Variants in EIF2S3B observed in about 807,000 individuals in gnomAD.
The protein encoded by EIF2S3B is eukaryotic translation initiation factor 2 subunit 3B.
EIF2S3B carries 16 observed loss-of-function variants against 26.4 expected under a neutral mutation model. The observed-to-expected ratio is 0.61, with a 90% CI of 0.41 to 0.92. EIF2S3B has a LOEUF of 0.92. Among genes scored for constraint, EIF2S3B ranks in the 40% least tolerant of loss-of-function variants. The pLI is 0.00. For synonymous variants in EIF2S3B, 183 were observed against 204.4 expected (o/e 0.90, Z 0.89); for missense variants, 510 against 575.5 (o/e 0.89, Z 1.16).
rs939613034 is a variant in EIF2S3B, at chr12:10,508,298, C to G, written c.*977C>G. Among the ~76,000 whole-genome samples the G allele has an allele frequency of 6.6e-6, 1 of 152,046 alleles. No individual in the cohort carries two copies. Among genetic ancestry groups the G allele is most frequent in the Non-Finnish European group, 1.5e-5 (1 of 68,012 alleles). ...TAGAGTCAGAAGTTATCTCCCTCTC[C>G]CTGTGATGCCTTGAGATGTTTTTCT... On this transcript the variant is annotated 3_prime_UTR_variant, in exon 1 of 1. Transcript: ENST00000538173.
intron 1 of EIF2S3B, among the ~76,000 whole-genome samples, chr12:10,517,447 T>C (rs1237265168): frequency 6.6e-6 from 1 of 152,082 alleles, no homozygotes; most frequent in South Asian, 2.1e-4. Context: ...TCTGTGGGAA[T>C]GGTGGTGATA....
chr12:10,506,691 T>C lies in EIF2S3B; in HGVS notation c.789T>C (p.Asp263=), dbSNP rs916890133. 9.9e-6 allele frequency: 16 copies of C among 1,613,946 alleles called. No individual in the cohort carries two copies. The highest frequency in any genetic ancestry group is 2.2e-5 in the East Asian group (1 of 44,900). ...EPRLIVIRSF[D]VNKPGCEVDD... ...GGCTTATTGTTATTAGATCTTTTGA[T>C]GTCAACAAACCTGGCTGTGAAGTTG... Residue 263 remains aspartate, a synonymous_variant, in exon 1 of 1, where the codon GAT becomes GAC. Transcript: ENST00000538173.
intron 1 of EIF2S3B, among the ~76,000 whole-genome samples, chr12:10,519,910 T>C (rs935450811): frequency 8.6e-5 from 13 of 151,994 alleles, no homozygotes; most frequent in African/African-American, 2.9e-4. Flanking sequence ...ACACTGTTGG[T>C]GGGACTGTAA....
intron 1 of EIF2S3B, among the ~76,000 whole-genome samples, chr12:10,515,743 T>A (rs1169627112): frequency 6.6e-6 from 1 of 151,826 alleles, no homozygotes; most frequent in Non-Finnish European, 1.5e-5. Flanking sequence ...AAACCCCATT[T>A]TACACACAAA....
Position 10,508,336 on chromosome 12 carries a change from G to A in EIF2S3B, c.*1015G>A, listed in dbSNP as rs73060500. ...GAGATGTTTTTCTGCATTGTTTTAT[G>A]CCTGAAATCCAATAGTCTTCCTCCA... On this transcript the variant is annotated 3_prime_UTR_variant, in exon 1 of 1. Transcript: ENST00000538173. Among the ~76,000 whole-genome samples, 16,819 of 151,754 alleles carry A rather than the reference G, an allele frequency of 0.11. 1,161 individuals carry two copies. Among genetic ancestry groups the A allele is most frequent in the Non-Finnish European group, 0.16 (11,158 of 67,878 alleles).
chr12:10,511,288 G>A (rs189173635), downstream of EIF2S3B, among the ~76,000 whole-genome samples: 8 of 151,844 alleles, frequency 5.3e-5, no homozygotes, highest in South Asian at 1.7e-3. Flanking sequence ...TCATGAATGG[G>A]TTTAATGGAA....
chr12:10,507,257 G>A lies in EIF2S3B; in HGVS notation c.1355G>A (p.Arg452His), dbSNP rs751169320. Residue 452 changes from arginine to histidine, a missense_variant, in exon 1 of 1, where the codon CGT (arginine) becomes CAT (histidine). Coordinates refer to ENST00000538173, the MANE Select transcript of EIF2S3B (RefSeq NM_001357734.3). ...AGCCGAAGAGTTGAAAAACACTGGC[G>A]TTTAATTGGTTGGGGTCAGATAAGA... ...ALSRRVEKHWRLIGWGQIRRG... is the reference protein window; with the variant it reads ...ALSRRVEKHWHLIGWGQIRRG... 9.9e-6 allele frequency: 16 copies of A among 1,613,766 alleles called. No homozygotes were observed. The South Asian group carries it at 1.5e-4, about 16-fold the overall frequency.
At chr12:10,510,103 G>A (rs1019735432), downstream of EIF2S3B, among the ~76,000 whole-genome samples, 1 of 152,130 alleles carries the variant, frequency 6.6e-6, no homozygotes, top group Non-Finnish European at 1.5e-5. Context: ...CATTAGCACT[G>A]ATAGGCTAAA....
intron 1 of EIF2S3B, among the ~76,000 whole-genome samples, chr12:10,515,137 A>G (rs1864741853): frequency 6.6e-6 from 1 of 151,950 alleles, no homozygotes; most frequent in Admixed American, 6.6e-5. Flanking sequence ...CACTCCATCT[A>G]CATTAGTCTT....
downstream of EIF2S3B, among the ~76,000 whole-genome samples, chr12:10,508,810 A>C (rs1373588039): frequency 6.6e-6 from 1 of 152,040 alleles, no homozygotes; most frequent in Non-Finnish European, 1.5e-5. Flanking sequence ...CATAGAAAAA[A>C]AATTCTTCAT....
chr12:10,509,616 C>G (rs1445183348), downstream of EIF2S3B, among the ~76,000 whole-genome samples: 1 of 151,864 alleles, frequency 6.6e-6, no homozygotes, highest in Non-Finnish European at 1.5e-5. Flanking sequence ...ATTGCACAAC[C>G]AATTTTCATG....
In EIF2S3B at chr12:10,506,007, T is replaced by C. The variant is rs754506034; in HGVS notation, c.105T>C (p.Val35=). 1.5e-5 allele frequency: 24 copies of C among 1,605,908 alleles called. No homozygotes were observed. The highest frequency in any genetic ancestry group is 1.9e-5 in the Non-Finnish European group (22 of 1,172,490). Residue 35 remains valine (V), a synonymous_variant, in exon 1 of 1, where the codon GTT becomes GTC. Coordinates refer to ENST00000538173, the MANE Select transcript of EIF2S3B (RefSeq NM_001357734.3). ...VTKLTPLSHE[V]ISRQATINIG... is the part of the protein sequence containing the mutation. ...AGTTGACGCCACTTTCACACGAAGT[T>C]ATCAGCAGACAAGCCACAATTAATA...
intron 1 of EIF2S3B, among the ~76,000 whole-genome samples, chr12:10,514,570 A>G (rs766351495): frequency 1.3e-5 from 2 of 152,182 alleles, no homozygotes; most frequent in Non-Finnish European, 2.9e-5. Context: ...CTCCAGTGAT[A>G]TACCACAAAG....
At chr12:10,521,298 A>G (rs1036696229) in intron 1 of EIF2S3B, among the ~76,000 whole-genome samples, 2 of 152,130 alleles carry the variant, frequency 1.3e-5, no homozygotes, top group African/African-American at 4.8e-5. Context: ...AAATGAACAA[A>G]TCCTGGGATT....
rs1208778546 is a variant in EIF2S3B at position 10,507,372 on chromosome 12, T to C, written c.*51T>C. On this transcript the variant is annotated 3_prime_UTR_variant, in exon 1 of 1. Transcript: ENST00000538173. ...GGATGGAGCTGGAAGTTGCAATTTC[T>C]CTTTAACAACCAAGGGGTTTATTTT... The C allele has an allele frequency of 6.9e-6, 11 of 1,599,856 alleles. No individual in the cohort carries two copies. Among genetic ancestry groups the C allele is most frequent in the East Asian group, 4.5e-5 (2 of 44,826 alleles).
chr12:10,511,075 T>C (rs1864700074), downstream of EIF2S3B, among the ~76,000 whole-genome samples: 1 of 152,082 alleles, frequency 6.6e-6, no homozygotes. Flanking sequence ...AAAGTTTTAT[T>C]GAAATGGTGC....
chr12:10,519,912 G>C (rs1449838744), intron 1 of EIF2S3B, among the ~76,000 whole-genome samples: 1 of 151,986 alleles, frequency 6.6e-6, no homozygotes, highest in Non-Finnish European at 1.5e-5. Context: ...ACTGTTGGTG[G>C]GACTGTAAAC....
intron 1 of EIF2S3B, among the ~76,000 whole-genome samples, chr12:10,517,923 G>C (rs1447331213): frequency 2.0e-4 from 31 of 151,952 alleles, no homozygotes; most frequent in Admixed American, 6.6e-4. Context: ...GAGTGGTTTT[G>C]AGTGAGTTTC....
Position 10,508,067 on chromosome 12 carries a change from G to C in EIF2S3B, c.*746G>C, listed in dbSNP as rs1864664309. On this transcript the variant is annotated 3_prime_UTR_variant, in exon 1 of 1. Coordinates refer to ENST00000538173, the MANE Select transcript of EIF2S3B (RefSeq NM_001357734.3). ...CTTAAAGGCACAAATTATCCTTGAA[G>C]ACCTTCTCCCTTTTCTTTGGCCCCA... 6.6e-6 allele frequency among the ~76,000 whole-genome samples: 1 copy of C among 152,156 alleles called. No homozygotes were observed.
Sources: gnomAD v4.1 joint callset for allele counts (sites outside exome capture counted in the v4.1 genomes callset) on GRCh38, gnomAD v4.1.1 for gene constraint, MANE v1.5 for transcripts, NCBI Gene and HGNC (gene_info 2026-07-23, HGNC 2026-07-21) for gene names.